Variants in CD180 observed in about 807,000 individuals in gnomAD.
CD180 encodes the protein CD180 molecule.
In CD180, 11 loss-of-function variants were observed where a neutral mutation model predicts 10.7. That is an observed-to-expected ratio of 1.03 (90% CI 0.65 to 1.70). The LOEUF is 1.70. CD180 is among the 40% of genes most tolerant of loss of function. The pLI, the probability that CD180 is intolerant of heterozygous loss-of-function variation, is 0.00. For synonymous variants in CD180, 286 were observed against 294.6 expected (o/e 0.97, Z 0.30); for missense variants, 729 against 775.2 (o/e 0.94, Z 0.71).
intron 1 of CD180, among the ~76,000 whole-genome samples, chr5:67,187,721 G>A (rs1434618594): frequency 2.6e-5 from 4 of 152,180 alleles, no homozygotes; most frequent in Admixed American, 1.3e-4. Context: ...TCCTTGGAAA[G>A]ATATGAAGGA....
intron 1 of CD180, among the ~76,000 whole-genome samples, chr5:67,193,753 G>A (rs896944691): frequency 5.3e-5 from 8 of 152,202 alleles, no homozygotes. Flanking sequence ...CACCACTCCT[G>A]AGACATGAAT....
Position 67,180,132 on chromosome 5 carries a change from T to C in CD180, c.*2725A>G, listed in dbSNP as rs746953110. ...AGCTGTCACAAAGCCTTAGATCAGT[T>C]ACGGAGCAGCAAGCTGCATCGCATG... On this transcript the variant is annotated 3_prime_UTR_variant, in exon 3 of 3. Coordinates refer to ENST00000256447, the MANE Select transcript of CD180 (RefSeq NM_005582.3). 6.6e-6 allele frequency: 1 copy of C among 152,234 alleles called. No homozygotes were observed. Among genetic ancestry groups the C allele is most frequent in the Non-Finnish European group, 1.5e-5 (1 of 68,036 alleles). The allele number at this position is 152,234 out of a possible 1,614,324, so 9.4% of individuals were successfully genotyped here. A position where few individuals can be genotyped will look rare whatever the true frequency, so the allele number is the denominator to read the frequency against.
At position 67,196,558 on chromosome 5, in the gene CD180, G is replaced by A. The variant is rs921410748; in HGVS notation, c.84C>T (p.Cys28=). 5.6e-6 allele frequency: 9 copies of A among 1,613,886 alleles called. No homozygotes were observed. The highest frequency in any genetic ancestry group is 1.7e-5 in the Admixed American group (1 of 59,986). Residue 28 remains cysteine (C), a synonymous_variant, in exon 1 of 3, where the codon TGC becomes TGT. Coordinates refer to ENST00000256447, the MANE Select transcript of CD180 (RefSeq NM_005582.3). The stretch of plus-strand genomic sequence containing the variant: ...ACAAACAGTTTGGACTCACCTCAAT[G>A]CACATCTGATCCCAGGAGGTGATGA... ...CKVITSWDQM[C]IEKEANKTYN... is the part of the protein sequence containing the mutation.
intron 1 of CD180, among the ~76,000 whole-genome samples, chr5:67,194,226 G>C (rs979123199): frequency 6.6e-6 from 1 of 152,134 alleles, no homozygotes; most frequent in Non-Finnish European, 1.5e-5. Context: ...TAAAACTAAA[G>C]AAAGGTCACC....
At chr5:67,193,564 A>G (rs753706513) in intron 1 of CD180, among the ~76,000 whole-genome samples, 12 of 152,218 alleles carry the variant, frequency 7.9e-5, no homozygotes, top group Non-Finnish European at 1.6e-4. Context: ...GAAACAAAAG[A>G]AAATACAGAT....
At position 67,182,831 on chromosome 5, in the gene CD180, T is replaced by C. The variant is rs5744527; in HGVS notation, c.*26A>G. The stretch of plus-strand genomic sequence containing the variant: ...AGAGCAATTTTGCTAAGCACACTTA[T>C]TTGCTTTCTCTGGAAACCTTCAGCA... On this transcript the variant is annotated 3_prime_UTR_variant, in exon 3 of 3. Coordinates refer to ENST00000256447, the MANE Select transcript of CD180 (RefSeq NM_005582.3). 4.6e-5 allele frequency: 72 copies of C among 1,556,440 alleles called. No individual in the cohort carries two copies. The highest frequency in any genetic ancestry group is 6.2e-5 in the Non-Finnish European group (71 of 1,152,374).
At chr5:67,187,102 A>T (rs1295115749) in intron 1 of CD180, among the ~76,000 whole-genome samples, 1 of 152,208 alleles carries the variant, frequency 6.6e-6, no homozygotes, top group Non-Finnish European at 1.5e-5. Context: ...TGTAAATGAC[A>T]GTGGACTTGT....
rs1212529238 is a variant in CD180 at position 67,183,245 on chromosome 5, G to A, written c.1598C>T (p.Thr533Ile). The A allele has an allele frequency of 1.2e-6, 2 of 1,614,146 alleles. No individual in the cohort carries two copies. Among genetic ancestry groups the A allele is most frequent in the Non-Finnish European group, 8.5e-7 (1 of 1,180,012 alleles). Reference sequence around the variant, plus strand: ...GCTAAGAGAATCAATGCTGTCGCATGTCAGGCTGTTGTGGCTTAAGTCTAC... The same window carrying A: ...GCTAAGAGAATCAATGCTGTCGCATATCAGGCTGTTGTGGCTTAAGTCTAC... Reference protein sequence around the residue: ...SHVDLSHNSLTCDSIDSLSHL... With the variant: ...SHVDLSHNSLICDSIDSLSHL... The change falls in exon 3 of 3, where the codon ACA becomes ATA. Residue 533 changes from threonine (T) to isoleucine (I), a missense_variant. By Grantham distance (89) the Thr-to-Ile change is moderately conservative. Transcript: ENST00000256447.
chr5:67,193,420 G>A (rs566245202), intron 1 of CD180, among the ~76,000 whole-genome samples: 6 of 152,182 alleles, frequency 3.9e-5, no homozygotes, highest in Non-Finnish European at 8.8e-5. Flanking sequence ...AGCCTGGAAA[G>A]TTCCAGAATC....
chr5:67,183,350 A>C lies in CD180; in HGVS notation c.1493T>G (p.Leu498Trp), dbSNP rs768357089. 1.9e-6 allele frequency: 3 copies of C among 1,614,206 alleles called. No homozygotes were observed. The highest frequency in any genetic ancestry group is 2.5e-6 in the Non-Finnish European group (3 of 1,180,030). The part of the protein sequence containing the change: ...KTNLLQTVGS[L>W]EVLILSSCGL... ...ACAAGAGGACAAAATCAGAACCTCC[A>C]AGCTGCCCACGGTCTGAAGTAGGTT... The change falls in exon 3 of 3, where the codon TTG (leucine) becomes TGG (tryptophan). Residue 498 changes from leucine (L) to tryptophan (W), a missense_variant. Physicochemically the swap from Leu to Trp is moderately conservative, Grantham distance 61. Transcript: ENST00000256447.
In CD180 at chr5:67,192,370, G is replaced by A. The variant is rs564262710; in HGVS notation, c.90+4182C>T. Among the ~76,000 whole-genome samples, 9 of 152,292 alleles carry A rather than the reference G, an allele frequency of 5.9e-5. No homozygotes were observed. The East Asian group carries it at 1.7e-3, about 29-fold the overall frequency. ...CCACTGCACTCGAGCCTGGGCGACA[G>A]AGTGAGACTCCGTCTCAAAAGAAAA... On this transcript the variant is annotated intron_variant, in intron 1 of 2. Transcript: ENST00000256447.
rs1349220054 is a variant in CD180, at chr5:67,179,733, GGCTGT to G, written c.*3119_*3123del. 2.6e-5 allele frequency: 4 copies of G among 152,206 alleles called. No homozygotes were observed. Among genetic ancestry groups the G allele is most frequent in the African/African-American group, 9.7e-5 (4 of 41,444 alleles). 9.4% of individuals were successfully genotyped at this position (152,206 alleles called of 1,614,324 possible). A position where few individuals can be genotyped will look rare whatever the true frequency, so the allele number is the denominator to read the frequency against. On this transcript the variant is annotated 3_prime_UTR_variant, in exon 3 of 3. Transcript: ENST00000256447. ...TTTACAGATATTGCCTGTGTTCAAG[GGCTGT>G]GCTGTACTAAGCAGTGGCTGCTGGC...
At chr5:67,184,852 T>A (rs1393784573) in intron 2 of CD180, among the ~76,000 whole-genome samples, 1 of 152,100 alleles carries the variant, frequency 6.6e-6, no homozygotes, top group East Asian at 1.9e-4. Context: ...CATGGGTCAT[T>A]TGATTGTGGC....
rs746049290 is a variant in CD180 at position 67,196,590 on chromosome 5, A to G, written c.52T>C (p.Cys18Arg). Residue 18 changes from cysteine (C) to arginine (R), a missense_variant, in exon 1 of 3, where the codon TGT becomes CGT. Coordinates refer to ENST00000256447, the MANE Select transcript of CD180 (RefSeq NM_005582.3). ...TGATCCCAGGAGGTGATGACTTTAC[A>G]GCCGGCAGAAAACAGCACCACCCAA... is the stretch of plus-strand genomic sequence containing the variant. ...FFWVVLFSAG[C>R]KVITSWDQMC... 1.1e-5 allele frequency: 18 copies of G among 1,614,092 alleles called. No individual in the cohort carries two copies. Among genetic ancestry groups the G allele is most frequent in the Non-Finnish European group, 1.5e-5 (18 of 1,179,984 alleles).
chr5:67,196,241 G>A (rs1742401285), intron 1 of CD180, among the ~76,000 whole-genome samples: 1 of 152,152 alleles, frequency 6.6e-6, no homozygotes, highest in Non-Finnish European at 1.5e-5. Flanking sequence ...CCCCTAGGTT[G>A]AGGCAGGTTT....
Position 67,183,119 on chromosome 5 carries a change from C to T in CD180, c.1724G>A (p.Ser575Asn). Reference protein sequence around the residue: ...ILSQQSTINLSHNPLDCTCSN... With the variant: ...ILSQQSTINLNHNPLDCTCSN... Reference sequence around the variant, plus strand: ...GCAAGTGCAGTCCAGGGGGTTATGACTTAAATTAATGGTGCTCTGCTGGGA... The same window carrying T: ...GCAAGTGCAGTCCAGGGGGTTATGATTTAAATTAATGGTGCTCTGCTGGGA... Residue 575 changes from serine to asparagine, a missense_variant, in exon 3 of 3, where the codon AGT (serine) becomes AAT (asparagine). Physicochemically the swap from Ser to Asn is conservative, Grantham distance 46 (BLOSUM62 1). Coordinates refer to ENST00000256447, the MANE Select transcript of CD180 (RefSeq NM_005582.3). The T allele has an allele frequency of 6.2e-7, 1 of 1,610,236 alleles. No individual in the cohort carries two copies. Among genetic ancestry groups the T allele is most frequent in the Non-Finnish European group, 8.5e-7 (1 of 1,177,444 alleles).
In CD180 at chr5:67,184,106, G is replaced by A. The variant is rs1396896632; in HGVS notation, c.737C>T (p.Thr246Ile). The A allele has an allele frequency of 1.2e-6, 2 of 1,614,194 alleles. No individual in the cohort carries two copies. Reference protein sequence around the residue: ...SVIFNGLQNSTTQSLWLGTFE... With the variant: ...SVIFNGLQNSITQSLWLGTFE... The stretch of plus-strand genomic sequence containing the variant: ...TGTTCCCAGCCAGAGAGACTGAGTA[G>A]TAGAGTTCTGCAGACCATTGAATAT... Residue 246 changes from threonine (T) to isoleucine (I), a missense_variant, in exon 3 of 3, where the codon ACT becomes ATT. Transcript: ENST00000256447.
At position 67,181,307 on chromosome 5, in the gene CD180, C is replaced by CT. The variant is rs1274824156; in HGVS notation, c.*1549dup. The CT allele has an allele frequency of 5.3e-5, 8 of 152,176 alleles. No homozygotes were observed. Among genetic ancestry groups the CT allele is most frequent in the Admixed American group, 2.0e-4 (3 of 15,280 alleles). The allele number at this position is 152,176 out of a possible 1,614,324, so 9.4% of individuals were successfully genotyped here. A position where few individuals can be genotyped will look rare whatever the true frequency, so the allele number is the denominator to read the frequency against. On this transcript the variant is annotated 3_prime_UTR_variant, in exon 3 of 3. Transcript: ENST00000256447. ...TCCCTCAAAGGAGAAAATATTAGCA[C>CT]TGAAATCTCAAGATGAAGGAAGGAG...
At chr5:67,189,017 A>G (rs1455713600) in intron 1 of CD180, among the ~76,000 whole-genome samples, 1 of 152,144 alleles carries the variant, frequency 6.6e-6, no homozygotes, top group East Asian at 1.9e-4. Flanking sequence ...ACCCAGAGAG[A>G]ATATGTATGT....
Sources: gnomAD v4.1 joint callset for allele counts (sites outside exome capture counted in the v4.1 genomes callset) on GRCh38, gnomAD v4.1.1 for gene constraint, MANE v1.5 for transcripts, NCBI Gene and HGNC (gene_info 2026-07-23, HGNC 2026-07-21) for gene names.